Variants in VPS26C observed in about 807,000 individuals in gnomAD.
VPS26C encodes the protein vacuolar protein sorting-associated protein 26C.
A neutral mutation model predicts 30.6 loss-of-function variants in VPS26C; 19 were observed. That is an observed-to-expected ratio of 0.62 (90% CI 0.43 to 0.91). The LOEUF is 0.91. Among genes scored for constraint, VPS26C ranks in the 40% least tolerant of loss-of-function variants. The probability of loss-of-function intolerance (pLI) is 0.00; values close to 1 mark genes in which losing one functional copy is unlikely to be tolerated. For synonymous variants in VPS26C, 132 were observed against 151.5 expected (o/e 0.87, Z 0.95); for missense variants, 318 against 385.1 (o/e 0.83, Z 1.46).
chr21:37,253,934 C>T (rs1045533348), intron 1 of VPS26C, among the ~76,000 whole-genome samples: 11 of 152,156 alleles, frequency 7.2e-5, no homozygotes, highest in Non-Finnish European at 1.2e-4. Context: ...CCAAGCATTT[C>T]GGATAAGGAC....
chr21:37,231,106 A>G (rs2085957906), intron 5 of VPS26C, among the ~76,000 whole-genome samples: 1 of 152,238 alleles, frequency 6.6e-6, no homozygotes, highest in African/African-American at 2.4e-5. Context: ...CACCTGGGCT[A>G]AGGATACAGC....
In VPS26C at chr21:37,240,533, C is replaced by A. The variant is rs527877345; in HGVS notation, c.164G>T (p.Ser55Ile). The change falls in exon 2 of 8, where the codon AGT becomes ATT. Residue 55 changes from serine to isoleucine, a missense_variant. By Grantham distance (142) the Ser-to-Ile change is moderately radical. Transcript: ENST00000309117. ...ATAAAAAGCTTCAAACACACCCACA[C>A]TTTTGGCACTGAGCTGGAGGTTTAC... ...GTVNLQLSAKSVGVFEAFYNS... is the reference protein window; with the variant it reads ...GTVNLQLSAKIVGVFEAFYNS... The A allele has an allele frequency of 1.2e-6, 2 of 1,614,200 alleles. No individual in the cohort carries two copies. The highest frequency in any genetic ancestry group is 1.1e-5 in the South Asian group (1 of 91,090).
intron 2 of VPS26C, 32 bp downstream of exon 2, chr21:37,240,464 T>C: frequency 6.2e-7 from 1 of 1,612,314 alleles, no homozygotes; most frequent in Non-Finnish European, 8.5e-7. Context: ...AATATTGAAC[T>C]AAAAACTTGC....
chr21:37,243,303 C>T (rs1473312524), intron 1 of VPS26C, among the ~76,000 whole-genome samples: 1 of 152,094 alleles, frequency 6.6e-6, no homozygotes, highest in Non-Finnish European at 1.5e-5. Flanking sequence ...AAAGAGGGAC[C>T]GTTCACAGAC....
chr21:37,230,027 C>G (rs2085945281), intron 5 of VPS26C, among the ~76,000 whole-genome samples: 1 of 152,166 alleles, frequency 6.6e-6, no homozygotes, highest in African/African-American at 2.4e-5. Flanking sequence ...CCACCACACC[C>G]AGCTAATTTT....
At position 37,247,023 on chromosome 21, in the gene VPS26C, G is replaced by A. The variant is rs138574662; in HGVS notation, c.58-6384C>T. Among the ~76,000 whole-genome samples the A allele has an allele frequency of 2.0e-5, 3 of 152,312 alleles. No homozygotes were observed. The East Asian group carries it at 5.8e-4, about 29-fold the overall frequency. On this transcript the variant is annotated intron_variant, in intron 1 of 7. Coordinates refer to ENST00000309117, the MANE Select transcript of VPS26C (RefSeq NM_006052.2). ...TCCTGCCTTGGCCTCCCAAAGTGCT[G>A]GGATTACAGGTGTGAGCCACTGCAC...
chr21:37,240,427 G>A (rs2086073537), intron 2 of VPS26C, 69 bp downstream of exon 2: 1 of 1,571,410 alleles, frequency 6.4e-7, no homozygotes, highest in African/African-American at 1.3e-5. Flanking sequence ...GCCTGGCCCT[G>A]AGCCACTGCG....
intron 1 of VPS26C, among the ~76,000 whole-genome samples, chr21:37,243,946 C>T (rs974448536): frequency 1.3e-5 from 2 of 152,308 alleles, no homozygotes; most frequent in South Asian, 2.1e-4. Context: ...CTCTTTGGCT[C>T]GAGTCAGCTC....
chr21:37,227,723 CAG>C lies in VPS26C; in HGVS notation c.740_741del (p.Ser247CysfsTer9). ...IADGDVCRGL[S>X]VPIYMVFPRL... is the part of the protein sequence containing the mutation. ...CTAGGGAAGACCATGTAGATGGGGA[CAG>C]AGAGGCCCCTGCACACATCCCCGTC... On this transcript the variant is annotated frameshift_variant, in exon 7 of 8. Coordinates refer to ENST00000309117, the MANE Select transcript of VPS26C (RefSeq NM_006052.2). LOFTEE classifies it high-confidence loss of function. 1 of 1,614,168 alleles carries C rather than the reference CAG, an allele frequency of 6.2e-7. No individual in the cohort carries two copies. Among genetic ancestry groups the C allele is most frequent in the Non-Finnish European group, 8.5e-7 (1 of 1,180,018 alleles).
upstream of VPS26C, chr21:37,267,555 G>T (rs914578618): frequency 1.8e-5 from 10 of 552,316 alleles, no homozygotes; most frequent in African/African-American, 9.7e-5. Flanking sequence ...CGTGAAAGAC[G>T]GGGCCAAGCT....
In VPS26C at chr21:37,228,281, C is replaced by T. The variant is rs2148281674; in HGVS notation, c.600G>A (p.Glu200=). 3.1e-6 allele frequency: 5 copies of T among 1,614,216 alleles called. No homozygotes were observed. Among genetic ancestry groups the T allele is most frequent in the East Asian group, 2.2e-5 (1 of 44,884 alleles). ...CGCTTCTGATGGCGGCTTCCGAGCT[C>T]TCCACCACCAGCTCTCCCGTTAGTG... ...TQPLTGELVV[E]SSEAAIRSVE... is the part of the protein sequence containing the mutation. Residue 200 remains glutamate, a synonymous_variant, in exon 6 of 8, where the codon GAG becomes GAA. Coordinates refer to ENST00000309117, the MANE Select transcript of VPS26C (RefSeq NM_006052.2).
In VPS26C at chr21:37,225,231, A is replaced by T. The variant is rs1320133680; in HGVS notation, c.*313T>A. The T allele has an allele frequency of 1.1e-5, 4 of 349,638 alleles. No individual in the cohort carries two copies. Among genetic ancestry groups the T allele is most frequent in the Non-Finnish European group, 2.2e-5 (4 of 183,856 alleles). The allele number at this position is 349,638 out of a possible 1,614,324, so 21.7% of individuals were successfully genotyped here. A position where few individuals can be genotyped will look rare whatever the true frequency, so the allele number is the denominator to read the frequency against. ...CCAGCAAGCTCAAACTGCTGTCACA[A>T]TTGTTTTACTGTACCTAAAAAGGAA... On this transcript the variant is annotated 3_prime_UTR_variant, in exon 8 of 8. Coordinates refer to ENST00000309117, the MANE Select transcript of VPS26C (RefSeq NM_006052.2).
intron 1 of VPS26C, among the ~76,000 whole-genome samples, chr21:37,258,743 T>C (rs1245260974): frequency 6.6e-6 from 1 of 152,076 alleles, no homozygotes; most frequent in African/African-American, 2.4e-5. Flanking sequence ...AGCAAGCAGC[T>C]TGCAGGGGGT....
intron 1 of VPS26C, among the ~76,000 whole-genome samples, chr21:37,249,045 C>T (rs996438406): frequency 6.6e-6 from 1 of 152,050 alleles, no homozygotes; most frequent in Non-Finnish European, 1.5e-5. Flanking sequence ...AAAATTTATG[C>T]ATTCTTGATA....
At chr21:37,265,898 G>A (rs1374977169) in intron 1 of VPS26C, among the ~76,000 whole-genome samples, 1 of 147,032 alleles carries the variant, frequency 6.8e-6, no homozygotes, top group Admixed American at 6.8e-5. Context: ...CATTATAAAG[G>A]TAGCTTTTTC....
intron 4 of VPS26C, among the ~76,000 whole-genome samples, chr21:37,232,948 AC>A (rs1408607157): frequency 6.6e-6 from 1 of 152,182 alleles, no homozygotes; most frequent in African/African-American, 2.4e-5. Context: ...GAAGAATCAT[AC>A]TTTAAACGTT....
At chr21:37,227,625 A>G (rs1237963166) in intron 7 of VPS26C, 29 bp downstream of exon 7, 1 of 1,456,780 alleles carries the variant, frequency 6.9e-7, no homozygotes, top group Non-Finnish European at 9.0e-7. Flanking sequence ...CCATGGGCCC[A>G]TGAGGGCTGG....
Position 37,228,207 on chromosome 21 carries a change from G to T in VPS26C, c.658+16C>A. On this transcript the variant is annotated intron_variant, in intron 6 of 7. Transcript: ENST00000309117. ...GGGGGACAGGCAAGCGCCAGGCCTG[G>T]TGGCACGGCCCTCACCGCACGTCTC... is the stretch of plus-strand genomic sequence containing the variant. 3.1e-6 allele frequency: 5 copies of T among 1,607,634 alleles called. No homozygotes were observed. The highest frequency in any genetic ancestry group is 4.2e-6 in the Non-Finnish European group (5 of 1,179,528).
chr21:37,254,121 G>A (rs1213136660), intron 1 of VPS26C, among the ~76,000 whole-genome samples: 3 of 152,200 alleles, frequency 2.0e-5, no homozygotes, highest in African/African-American at 7.2e-5. Context: ...GTGGAACACA[G>A]GGAGTCCGCC....
Sources: gnomAD v4.1 joint callset for allele counts (sites outside exome capture counted in the v4.1 genomes callset) on GRCh38, gnomAD v4.1.1 for gene constraint, MANE v1.5 for transcripts, NCBI Gene and HGNC (gene_info 2026-07-23, HGNC 2026-07-21) for gene names.